CCDC85C: variants seen among roughly 807,000 people sequenced by gnomAD.
The protein encoded by CCDC85C is coiled-coil domain containing 85C.
CCDC85C carries 18 observed loss-of-function variants against 38.3 expected under a neutral mutation model. That is an observed-to-expected ratio of 0.47 (90% confidence interval 0.33 to 0.70). The LOEUF (loss-of-function observed/expected upper bound fraction) is 0.70, where lower values mean the gene tolerates loss of function less well. Ranked by LOEUF, CCDC85C falls within the 30% of genes least tolerant of loss-of-function variation. The pLI is 0.03. For missense variants in CCDC85C, 566 were observed against 621.2 expected, an observed-to-expected ratio of 0.91 and a Z score of 0.94; for synonymous variants, 264 against 293.8, an observed-to-expected ratio of 0.90 and a Z score of 1.04.
chr14:99,543,638 G>A (rs1473262934), intron 1 of CCDC85C, among the ~76,000 whole-genome samples: 1 of 152,168 alleles, frequency 6.6e-6, no homozygotes, highest in East Asian at 1.9e-4. Context: ...AGGCACATAG[G>A]AGCTGAGGGC....
At chr14:99,568,556 G>A (rs1001830260) in intron 1 of CCDC85C, among the ~76,000 whole-genome samples, 5 of 152,112 alleles carry the variant, frequency 3.3e-5, no homozygotes, top group Admixed American at 1.3e-4. Context: ...CCTGCATGAC[G>A]ACCTGAGGAC....
chr14:99,539,024 G>A (rs1897660800), intron 1 of CCDC85C, among the ~76,000 whole-genome samples: 2 of 152,204 alleles, frequency 1.3e-5, no homozygotes, highest in Middle Eastern at 3.2e-3. Context: ...ATCTGTTGAG[G>A]TTTACCCCAA....
chr14:99,554,880 C>T (rs1018445365), intron 1 of CCDC85C, among the ~76,000 whole-genome samples: 1 of 152,228 alleles, frequency 6.6e-6, no homozygotes, highest in African/African-American at 2.4e-5. Context: ...CCCCAGAGCA[C>T]CTCTCTGTAC....
intron 1 of CCDC85C, among the ~76,000 whole-genome samples, chr14:99,575,334 C>G (rs1039254745): frequency 6.6e-6 from 1 of 152,220 alleles, no homozygotes; most frequent in Non-Finnish European, 1.5e-5. Context: ...CTGGGTCCCC[C>G]TGCCGCCAGG....
intron 1 of CCDC85C, among the ~76,000 whole-genome samples, chr14:99,600,130 T>C (rs1008865825): frequency 6.6e-6 from 1 of 152,202 alleles, no homozygotes; most frequent in Non-Finnish European, 1.5e-5. Flanking sequence ...GAGGCTCAGA[T>C]GCAAACATTC....
chr14:99,530,198 A>G (rs1897465784), intron 2 of CCDC85C, among the ~76,000 whole-genome samples: 1 of 152,144 alleles, frequency 6.6e-6, no homozygotes, highest in African/African-American at 2.4e-5. Flanking sequence ...TTCTGCCCAC[A>G]TTGCGAGACT....
At chr14:99,593,496 G>C (rs2055110239) in intron 1 of CCDC85C, among the ~76,000 whole-genome samples, 1 of 152,228 alleles carries the variant, frequency 6.6e-6, no homozygotes, top group African/African-American at 2.4e-5. Flanking sequence ...GCTGATTCGA[G>C]CTCCTGGGGC....
At chr14:99,528,055 TA>T (rs1222546049) in intron 2 of CCDC85C, among the ~76,000 whole-genome samples, 1 of 152,104 alleles carries the variant, frequency 6.6e-6, no homozygotes, top group Non-Finnish European at 1.5e-5. Context: ...AAGAAGACTC[TA>T]AAGGCAGGGC....
At chr14:99,557,830 G>A (rs749337884) in intron 1 of CCDC85C, among the ~76,000 whole-genome samples, 1 of 152,182 alleles carries the variant, frequency 6.6e-6, no homozygotes, top group Admixed American at 6.5e-5. Flanking sequence ...CACGAGGATT[G>A]CTTGAACCCA....
Position 99,502,126 on chromosome 14 carries a change from T to G in CCDC85C, c.*13120A>C. 1 of 1,382,068 alleles carries G rather than the reference T, an allele frequency of 7.2e-7. No homozygotes were observed. The highest frequency in any genetic ancestry group is 9.6e-7 in the Non-Finnish European group (1 of 1,046,566). The allele number at this position is 1,382,068 out of a possible 1,614,324, so 85.6% of individuals were successfully genotyped here. On this transcript the variant is annotated 3_prime_UTR_variant, in exon 6 of 6. Transcript: ENST00000380243. ...AGGGGAGAATAAGCAAATTAATGGT[T>G]AGTTATGGCATCTCCATGCACTGGT...
intron 1 of CCDC85C, among the ~76,000 whole-genome samples, chr14:99,599,283 G>T (rs2055175185): frequency 6.6e-6 from 1 of 152,088 alleles, no homozygotes; most frequent in Non-Finnish European, 1.5e-5. Flanking sequence ...TCATGCACAG[G>T]CTTGCTAGAA....
rs1033931549 is a variant in CCDC85C at position 99,588,937 on chromosome 14, G to C, written c.793+14230C>G. Among the ~76,000 whole-genome samples the C allele has an allele frequency of 2.0e-5, 3 of 152,086 alleles. No individual in the cohort carries two copies. Among genetic ancestry groups the C allele is most frequent in the African/African-American group, 7.2e-5 (3 of 41,398 alleles). On this transcript the variant is annotated intron_variant, in intron 1 of 5. Transcript: ENST00000380243. The surrounding 1 kb of genome is among the most constrained non-coding windows in gnomAD (Gnocchi z 5.0). ...AACCAACTGCTTCACCTCATATGTG[G>C]GTAAACTGAGGCCTGGGGAGACTGG...
intron 1 of CCDC85C, among the ~76,000 whole-genome samples, chr14:99,536,364 C>G (rs760231772): frequency 3.7e-4 from 56 of 152,340 alleles, no homozygotes; most frequent in Non-Finnish European, 6.9e-4. Context: ...CTGTGGGCCT[C>G]TGAGCCCTTC....
intron 2 of CCDC85C, among the ~76,000 whole-genome samples, chr14:99,532,244 G>A (rs1897507402): frequency 6.6e-6 from 1 of 152,346 alleles, no homozygotes; most frequent in South Asian, 2.1e-4. Flanking sequence ...GGTAGTCAGG[G>A]AGGGCTGCAG....
chr14:99,530,736 A>G (rs1897477409), intron 2 of CCDC85C, among the ~76,000 whole-genome samples: 1 of 152,152 alleles, frequency 6.6e-6, no homozygotes, highest in Non-Finnish European at 1.5e-5. Context: ...GCCACATCAC[A>G]CTGCGCTGGG....
At chr14:99,575,401 T>A (rs1898452933) in intron 1 of CCDC85C, among the ~76,000 whole-genome samples, 1 of 152,108 alleles carries the variant, frequency 6.6e-6, no homozygotes, top group African/African-American at 2.4e-5. Context: ...CGCCCAGCAA[T>A]CACTCAGCGA....
chr14:99,568,130 C>T (rs76920653), intron 1 of CCDC85C, among the ~76,000 whole-genome samples: 2,700 of 152,186 alleles, frequency 0.018, 67 homozygotes, highest in African/African-American at 0.06. Context: ...TACAACTGCC[C>T]AGTTTGAATG....
intron 3 of CCDC85C, among the ~76,000 whole-genome samples, chr14:99,518,465 C>T (rs903158332): frequency 6.6e-6 from 1 of 152,214 alleles, no homozygotes; most frequent in Admixed American, 6.5e-5. Context: ...AAAGGGTCCT[C>T]TGCCCCAGGG....
intron 1 of CCDC85C, among the ~76,000 whole-genome samples, chr14:99,567,156 T>C (rs2139956945): frequency 6.6e-6 from 1 of 151,460 alleles, no homozygotes; most frequent in African/African-American, 2.4e-5. Flanking sequence ...CCGATTCTCA[T>C]CTGCGCTGAT....
Sources: gnomAD v4.1 joint callset for allele counts (sites outside exome capture counted in the v4.1 genomes callset) on GRCh38, gnomAD v4.1.1 for gene constraint, Gnocchi (gnomAD v3.1) non-coding constraint, MANE v1.5 for transcripts, NCBI Gene and HGNC (gene_info 2026-07-23, HGNC 2026-07-21) for gene names.